Variants in VPS41 observed in about 807,000 individuals in gnomAD.
VPS41 encodes VPS41 subunit of HOPS complex, also known as vacuolar protein sorting-associated protein 41 homolog.
VPS41 carries 85 observed loss-of-function variants against 130.9 expected under a neutral mutation model. The ratio of observed to expected loss-of-function variants is 0.65; its 90% CI spans 0.55 to 0.78. VPS41 has a LOEUF of 0.78. Among genes scored for constraint, VPS41 ranks in the 30% least tolerant of loss-of-function variants. The pLI, the probability that VPS41 is intolerant of heterozygous loss-of-function variation, is 0.00. For missense variants in VPS41, 874 were observed against 1,018.7 expected (o/e 0.86, Z 1.93); for synonymous variants, 335 against 332.9 (o/e 1.01, Z -0.07).
chr7:38,858,423 A>T (rs1207485724), intron 4 of VPS41, among the ~76,000 whole-genome samples: 1 of 152,158 alleles, frequency 6.6e-6, no homozygotes, highest in African/African-American at 2.4e-5. Context: ...TTCCAAAAAG[A>T]AGAGAATATA....
intron 2 of VPS41, among the ~76,000 whole-genome samples, chr7:38,879,009 G>A (rs1786547152): frequency 6.6e-6 from 1 of 152,240 alleles, no homozygotes; most frequent in South Asian, 2.1e-4. Flanking sequence ...TTTGAAGACA[G>A]TATGACTAGA....
At chr7:38,830,170 C>T in intron 5 of VPS41, 84 bp downstream of exon 5, 1 of 817,166 alleles carries the variant, frequency 1.2e-6, no homozygotes, top group South Asian at 1.4e-5. Context: ...TGTCTTAATG[C>T]AGTTATATAG....
intron 14 of VPS41, among the ~76,000 whole-genome samples, chr7:38,770,477 A>C (rs1784134805): frequency 6.7e-6 from 1 of 150,266 alleles, no homozygotes; most frequent in Non-Finnish European, 1.5e-5. Context: ...TGTTATTCCT[A>C]AATTATTTTG....
chr7:38,767,979 T>C (rs1040911802), intron 14 of VPS41, among the ~76,000 whole-genome samples: 2 of 152,202 alleles, frequency 1.3e-5, no homozygotes, highest in African/African-American at 4.8e-5. Flanking sequence ...ATCTGTAGAA[T>C]GCAAGCTACC....
At chr7:38,784,838 A>G (rs1180743046) in intron 10 of VPS41, among the ~76,000 whole-genome samples, 1 of 152,124 alleles carries the variant, frequency 6.6e-6, no homozygotes. Context: ...GCTGCAGTAC[A>G]CAGAACTTGC....
intron 2 of VPS41, among the ~76,000 whole-genome samples, chr7:38,884,327 G>T (rs1159940931): frequency 6.6e-6 from 1 of 152,028 alleles, no homozygotes; most frequent in African/African-American, 2.4e-5. Flanking sequence ...ATAGCATACA[G>T]GTTTATTTTA....
chr7:38,860,701 GT>G (rs1786087065), intron 4 of VPS41, among the ~76,000 whole-genome samples: 1 of 17,470 alleles, frequency 5.7e-5, no homozygotes, highest in South Asian at 7.4e-4. Context: ...ATCTGTTTGT[GT>G]GTGTGTGTGT....
chr7:38,903,568 C>T (rs927810946), intron 1 of VPS41, among the ~76,000 whole-genome samples: 1 of 152,180 alleles, frequency 6.6e-6, no homozygotes, highest in African/African-American at 2.4e-5. Context: ...TCCATCTATG[C>T]CTGGAGGTAC....
At chr7:38,874,446 T>G (rs1348180726) in intron 2 of VPS41, among the ~76,000 whole-genome samples, 1 of 152,166 alleles carries the variant, frequency 6.6e-6, no homozygotes, top group Non-Finnish European at 1.5e-5. Flanking sequence ...AGTGGAGCAC[T>G]CCTCAACTAT....
Position 38,727,008 on chromosome 7 carries a change from AAGG to A in VPS41, c.2405-23_2405-21del, listed in dbSNP as rs747499427. On this transcript the variant is annotated intron_variant, in intron 27 of 28. Transcript: ENST00000310301. The stretch of plus-strand genomic sequence containing the variant: ...CTGCATCTGGCGAGGAGGGCAGAGA[AAGG>A]AGGAGAACTTAATGCAACAAGCAAG... 12 of 1,515,678 alleles carry A rather than the reference AAGG, an allele frequency of 7.9e-6. No homozygotes were observed. In the East Asian group the frequency reaches 1.3e-4, roughly 16 times the overall value. The allele number at this position is 1,515,678 out of a possible 1,614,324, so 93.9% of individuals were successfully genotyped here.
chr7:38,847,363 T>A (rs1217196960), intron 4 of VPS41, among the ~76,000 whole-genome samples: 2 of 152,200 alleles, frequency 1.3e-5, no homozygotes, highest in Non-Finnish European at 2.9e-5. Flanking sequence ...AGGGCATCTA[T>A]CACTACAGTT....
intron 4 of VPS41, among the ~76,000 whole-genome samples, chr7:38,832,197 T>C (rs1350686874): frequency 6.6e-6 from 1 of 152,074 alleles, no homozygotes; most frequent in African/African-American, 2.4e-5. Flanking sequence ...TTTCTATTTT[T>C]AGGGTATGAG....
At chr7:38,763,600 T>G in intron 16 of VPS41, 53 bp from the exon 17 acceptor site, 9 of 1,113,720 alleles carry the variant, frequency 8.1e-6, no homozygotes, top group Non-Finnish European at 1.2e-5. Context: ...AAAACAAAAC[T>G]GCATTCCAAT....
At position 38,874,188 on chromosome 7, in the gene VPS41, C is replaced by T. The variant is rs188263556; in HGVS notation, c.61-4935G>A. On this transcript the variant is annotated intron_variant, in intron 2 of 28. Transcript: ENST00000310301. The stretch of plus-strand genomic sequence containing the variant: ...TTTTATATGGCATCACTGTTACAGG[C>T]CAAATGAAGACTTGAATTTTACTTT... Among the ~76,000 whole-genome samples the T allele has an allele frequency of 7.6e-3, 1,149 of 151,308 alleles. 17 individuals carry two copies. The highest frequency in any genetic ancestry group is 0.025 in the African/African-American group (1,052 of 41,486).
intron 14 of VPS41, among the ~76,000 whole-genome samples, chr7:38,769,850 G>A (rs1419019260): frequency 6.6e-6 from 1 of 152,146 alleles, no homozygotes; most frequent in Non-Finnish European, 1.5e-5. Context: ...ATCTCCATCA[G>A]AGAATCTTTC....
At chr7:38,763,966 G>C (rs1392113894) in intron 16 of VPS41, among the ~76,000 whole-genome samples, 1 of 152,080 alleles carries the variant, frequency 6.6e-6, no homozygotes, top group East Asian at 1.9e-4. Context: ...TTGAAATTAG[G>C]AAAAATACAT....
At chr7:38,842,780 G>A (rs1017843767) in intron 4 of VPS41, among the ~76,000 whole-genome samples, 1 of 152,154 alleles carries the variant, frequency 6.6e-6, no homozygotes, top group African/African-American at 2.4e-5. Context: ...CTATGGGAAG[G>A]CCCCTAACTT....
intron 22 of VPS41, among the ~76,000 whole-genome samples, chr7:38,749,295 C>T (rs554761100): frequency 6.6e-6 from 1 of 152,172 alleles, no homozygotes; most frequent in South Asian, 2.1e-4. Context: ...CAATCAGTTG[C>T]CAATCTGAAA....
chr7:38,860,824 G>A (rs1194093185), intron 4 of VPS41, among the ~76,000 whole-genome samples: 1 of 151,386 alleles, frequency 6.6e-6, no homozygotes, highest in Non-Finnish European at 1.5e-5. Context: ...CATACGCTTG[G>A]CTTCAGTAGA....
Sources: allele counts gnomAD v4.1 joint callset (sites outside exome capture counted in the v4.1 genomes callset), GRCh38; gene constraint gnomAD v4.1.1; transcripts MANE v1.5; gene names NCBI Gene and HGNC (gene_info 2026-07-23, HGNC 2026-07-21).